KCNH1: variants seen among roughly 807,000 people sequenced by gnomAD.
KCNH1 encodes potassium voltage-gated channel subfamily H member 1, also known as voltage-gated delayed rectifier potassium channel KCNH1.
Under a neutral mutation model 69.2 loss-of-function variants are expected in KCNH1, and 27 were observed. The ratio of observed to expected loss-of-function variants is 0.39; its 90% CI spans 0.29 to 0.54. The LOEUF is 0.54. Among genes scored for constraint, KCNH1 ranks in the 20% least tolerant of loss-of-function variants. The pLI is 0.68. For synonymous variants in KCNH1, 456 were observed against 487.7 expected, an observed-to-expected ratio of 0.93 and a Z score of 0.86; for missense variants, 798 against 1,261.6, an observed-to-expected ratio of 0.63 and a Z score of 5.57.
intron 7 of KCNH1, among the ~76,000 whole-genome samples, chr1:210,837,037 C>T (rs1574286699): frequency 1.3e-5 from 2 of 152,154 alleles, no homozygotes; most frequent in African/African-American, 2.4e-5. Flanking sequence ...CCATGACTTA[C>T]GATGTTCTTC....
intron 7 of KCNH1, among the ~76,000 whole-genome samples, chr1:210,814,261 C>T (rs777178149): frequency 1.3e-5 from 2 of 152,068 alleles, no homozygotes; most frequent in African/African-American, 4.8e-5. Flanking sequence ...ATCATTTACT[C>T]TCTTTAAATT....
intron 10 of KCNH1, among the ~76,000 whole-genome samples, chr1:210,713,402 C>T (rs1682126846): frequency 1.3e-5 from 2 of 152,182 alleles, no homozygotes; most frequent in South Asian, 2.1e-4. Flanking sequence ...AGATGCAGTT[C>T]TGCTCTGACT....
chr1:211,035,434 G>A (rs1227468547), intron 5 of KCNH1, among the ~76,000 whole-genome samples: 2 of 150,710 alleles, frequency 1.3e-5, no homozygotes, highest in East Asian at 3.9e-4. Flanking sequence ...ATTTTTAGTA[G>A]AGACGGGGTT....
chr1:211,035,310 G>A (rs75886883), intron 5 of KCNH1, among the ~76,000 whole-genome samples: 10,841 of 137,958 alleles, frequency 0.079, 766 homozygotes, highest in East Asian at 0.39. Flanking sequence ...GTGCAGTGGC[G>A]GGATCTCGGC....
intron 3 of KCNH1, among the ~76,000 whole-genome samples, chr1:211,099,150 G>A (rs1158945329): frequency 6.6e-6 from 1 of 152,036 alleles, no homozygotes; most frequent in Non-Finnish European, 1.5e-5. Context: ...TTTTAATAAT[G>A]GGGATATTTT....
At chr1:210,880,142 T>C (rs974571732) in intron 7 of KCNH1, among the ~76,000 whole-genome samples, 7 of 152,284 alleles carry the variant, frequency 4.6e-5, no homozygotes, top group Admixed American at 2.0e-4. Flanking sequence ...AGGCTCAATA[T>C]TGTCAAGATG....
In KCNH1 at chr1:211,104,617, C is replaced by T. The variant is rs533666481; in HGVS notation, c.204-1015G>A. On this transcript the variant is annotated intron_variant, in intron 2 of 10. Transcript: ENST00000271751. ...ATGGCACAGGAGACTAACAAAATGC[C>T]AGAGGAGGGGGAAAAAAACATCTTT... Among the ~76,000 whole-genome samples, 22 of 152,150 alleles carry T rather than the reference C, an allele frequency of 1.4e-4. No homozygotes were observed. The East Asian group carries it at 4.3e-3, about 29-fold the overall frequency.
At chr1:210,701,260 CAG>C (rs1558429485) in intron 10 of KCNH1, among the ~76,000 whole-genome samples, 3 of 152,168 alleles carry the variant, frequency 2.0e-5, no homozygotes, top group East Asian at 1.9e-4. Flanking sequence ...TGGTAGGAGA[CAG>C]GGGTCTCTTT....
intron 5 of KCNH1, among the ~76,000 whole-genome samples, chr1:211,056,600 G>T (rs954514471): frequency 5.9e-5 from 9 of 152,332 alleles, no homozygotes; most frequent in African/African-American, 2.2e-4. Context: ...CCAGTGTTGT[G>T]CTGGCTTGGG....
intron 1 of KCNH1, among the ~76,000 whole-genome samples, chr1:211,117,315 C>T (rs544163737): frequency 4.3e-4 from 65 of 152,334 alleles, no homozygotes; most frequent in African/African-American, 1.4e-3. Flanking sequence ...CTTGCATTCA[C>T]GCCTTGTGTA....
intron 6 of KCNH1, among the ~76,000 whole-genome samples, chr1:210,983,710 T>C (rs1042759337): frequency 2.0e-5 from 3 of 152,136 alleles, no homozygotes; most frequent in Non-Finnish European, 2.9e-5. Flanking sequence ...TAGCGTGATG[T>C]CTCCAGCTTT....
At chr1:210,899,752 T>C (rs1686955808) in intron 7 of KCNH1, among the ~76,000 whole-genome samples, 1 of 152,202 alleles carries the variant, frequency 6.6e-6, no homozygotes, top group African/African-American at 2.4e-5. Flanking sequence ...GGCAAAAACA[T>C]ATTCCATTTT....
intron 7 of KCNH1, among the ~76,000 whole-genome samples, chr1:210,828,123 A>G (rs947601255): frequency 6.6e-6 from 1 of 152,106 alleles, no homozygotes; most frequent in African/African-American, 2.4e-5. Context: ...GATTACAGGC[A>G]TGAGCCACCG....
intron 6 of KCNH1, among the ~76,000 whole-genome samples, chr1:211,011,140 C>A (rs1249672537): frequency 6.6e-6 from 1 of 152,094 alleles, no homozygotes; most frequent in African/African-American, 2.4e-5. Context: ...CCCCCACAAC[C>A]CCCAACAGGC....
At chr1:210,927,363 T>G (rs974850027) in intron 6 of KCNH1, among the ~76,000 whole-genome samples, 23 of 152,244 alleles carry the variant, frequency 1.5e-4, no homozygotes, top group African/African-American at 5.5e-4. Context: ...AGCAGATTTC[T>G]CAGCAGAAAC....
rs1681347527 is a variant in KCNH1, at chr1:210,684,072, C to G, written c.2179G>C (p.Ala727Pro). The G allele has an allele frequency of 6.6e-7, 1 of 1,521,366 alleles. No individual in the cohort carries two copies. The highest frequency in any genetic ancestry group is 8.8e-7 in the Non-Finnish European group (1 of 1,134,950). The allele number at this position is 1,521,366 out of a possible 1,614,324, so 94.2% of individuals were successfully genotyped here. A position where few individuals can be genotyped will look rare whatever the true frequency, so the allele number is the denominator to read the frequency against. Reference sequence around the variant, plus strand: ...TGGTCCGGGGGCAAGATCAGGGGGGCCTCATTCTTTCGTTTCATGCGTTCT... The same window carrying G: ...TGGTCCGGGGGCAAGATCAGGGGGGGCTCATTCTTTCGTTTCATGCGTTCT... Reference protein sequence around the residue: ...EEERMKRKNEAPLILPPDHPV... With the variant: ...EEERMKRKNEPPLILPPDHPV... The change falls in exon 11 of 11, where the codon GCC (alanine) becomes CCC (proline). Residue 727 changes from alanine (A) to proline (P), a missense_variant. Ala to Pro is a conservative substitution (Grantham distance 27). Around this residue, in one of 4 missense-constraint regions of KCNH1, gnomAD observed 331 missense variants for 363.2 expected, o/e 0.91. Transcript: ENST00000271751.
chr1:210,894,440 T>C (rs1477502340), intron 7 of KCNH1, among the ~76,000 whole-genome samples: 1 of 152,176 alleles, frequency 6.6e-6, no homozygotes, highest in African/African-American at 2.4e-5. Flanking sequence ...AATAATCCTT[T>C]TGGGTCATTC....
chr1:210,789,813 T>A (rs980603818), intron 9 of KCNH1, among the ~76,000 whole-genome samples: 2 of 152,258 alleles, frequency 1.3e-5, no homozygotes, highest in Middle Eastern at 3.2e-3. Context: ...TATTGCATTT[T>A]AAAAATTGTA....
intron 7 of KCNH1, among the ~76,000 whole-genome samples, chr1:210,847,356 T>C (rs565695412): frequency 9.9e-5 from 15 of 152,196 alleles, no homozygotes; most frequent in Admixed American, 3.9e-4. Context: ...ATAGACTGGA[T>C]TAAGAAAATG....
Sources: gnomAD v4.1 joint callset for allele counts (sites outside exome capture counted in the v4.1 genomes callset) on GRCh38, gnomAD v4.1.1 for gene constraint, gnomAD v4.1.1 regional missense constraint, MANE v1.5 for transcripts, NCBI Gene and HGNC (gene_info 2026-07-23, HGNC 2026-07-21) for gene names.